NCALD: variants seen among roughly 807,000 people sequenced by gnomAD.
NCALD encodes neurocalcin delta, also known as neurocalcin-delta.
A neutral mutation model predicts 18.6 loss-of-function variants in NCALD; 10 were observed. The observed-to-expected ratio is 0.54, with a 90% CI of 0.33 to 0.91. The LOEUF is 0.91. Ranked by LOEUF, NCALD falls within the 40% of genes least tolerant of loss-of-function variation. NCALD has a pLI of 0.03. For missense variants in NCALD, 184 were observed against 247.6 expected (o/e 0.74, Z 1.72); for synonymous variants, 88 against 87.4 (o/e 1.01, Z -0.04).
chr8:102,084,559 G>A (rs1219723528), intron 1 of NCALD, among the ~76,000 whole-genome samples: 1 of 152,196 alleles, frequency 6.6e-6, no homozygotes, highest in Non-Finnish European at 1.5e-5. Flanking sequence ...TTCTTCCCTT[G>A]ATGGGGTGTT....
intron 2 of NCALD, among the ~76,000 whole-genome samples, chr8:101,951,260 C>T (rs1327080113): frequency 1.3e-5 from 2 of 152,022 alleles, no homozygotes; most frequent in South Asian, 2.1e-4. Context: ...AATGGCAAAA[C>T]GTTTGGTATA....
At chr8:101,733,626 G>A (rs561005875) in intron 1 of NCALD, among the ~76,000 whole-genome samples, 1 of 152,290 alleles carries the variant, frequency 6.6e-6, no homozygotes, top group Admixed American at 6.5e-5. Flanking sequence ...TGTTTACAAC[G>A]ATGAGCCCTC....
At chr8:101,958,418 T>C (rs966978151) in intron 2 of NCALD, among the ~76,000 whole-genome samples, 1 of 152,040 alleles carries the variant, frequency 6.6e-6, no homozygotes, top group Non-Finnish European at 1.5e-5. Context: ...ATTACATCAC[T>C]GATGTAGGGA....
rs557998467 is a variant in NCALD at position 102,014,869 on chromosome 8, C to T, written c.-157+5368G>A. Among the ~76,000 whole-genome samples, 10 of 152,200 alleles carry T rather than the reference C, an allele frequency of 6.6e-5. 1 individual carries two copies. In the South Asian group the frequency reaches 1.5e-3, roughly 22 times the overall value. On this transcript the variant is annotated intron_variant, in intron 2 of 6. Transcript: ENST00000311028. ...GACATTCTAGTACACAAGAATTACTCGGGGATCTTGTTCAAATGCAGATTC... is the reference window on the plus strand; with the variant it reads ...GACATTCTAGTACACAAGAATTACTTGGGGATCTTGTTCAAATGCAGATTC...
At chr8:102,000,025 C>T (rs948470461) in intron 2 of NCALD, among the ~76,000 whole-genome samples, 33 of 152,264 alleles carry the variant, frequency 2.2e-4, no homozygotes, top group African/African-American at 7.5e-4. Flanking sequence ...TGGGGATTGT[C>T]GGACAGTGGG....
chr8:101,960,105 C>T (rs1033260291), intron 2 of NCALD, among the ~76,000 whole-genome samples: 1 of 152,168 alleles, frequency 6.6e-6, no homozygotes, highest in African/African-American at 2.4e-5. Context: ...ATGCCATTTG[C>T]TAATTCTTTC....
At chr8:102,023,971 G>A (rs752504929) in intron 1 of NCALD, among the ~76,000 whole-genome samples, 9 of 152,132 alleles carry the variant, frequency 5.9e-5, no homozygotes, top group Non-Finnish European at 1.3e-4. Flanking sequence ...TCTTTACATG[G>A]CAGTTTCACC....
In NCALD at chr8:101,719,312, G is replaced by A. The variant is rs1433749391; in HGVS notation, c.318C>T (p.Ser106=). The A allele has an allele frequency of 6.2e-7, 1 of 1,614,146 alleles. No individual in the cohort carries two copies. Among genetic ancestry groups the A allele is most frequent in the South Asian group, 1.1e-5 (1 of 91,074 alleles). The part of the protein sequence containing the change: ...KLEQKLKWAF[S]MYDLDGNGYI... ...AGCCATTTCCGTCCAGGTCGTACAT[G>A]CTGAAGGCCCATTTCAGCTTCTGCT... The change falls in exon 2 of 4, where the codon AGC becomes AGT. Residue 106 remains serine (S), a synonymous_variant. Transcript: ENST00000220931.
chr8:101,761,682 T>G (rs1364131497), intron 1 of NCALD, among the ~76,000 whole-genome samples: 3 of 152,200 alleles, frequency 2.0e-5, no homozygotes. Flanking sequence ...AGGGACTTAT[T>G]TGTTTCCCAG....
chr8:101,923,159 T>C (rs182200600), intron 2 of NCALD, among the ~76,000 whole-genome samples: 1 of 152,344 alleles, frequency 6.6e-6, no homozygotes, highest in East Asian at 1.9e-4. Context: ...AAGCACCATG[T>C]TGGAGGCAGA....
At chr8:101,835,034 G>T (rs2155938) in intron 4 of NCALD, among the ~76,000 whole-genome samples, 4 of 152,060 alleles carry the variant, frequency 2.6e-5, no homozygotes, top group African/African-American at 4.8e-5. Context: ...AGATTAACTG[G>T]GTCAAAAGTT....
chr8:101,837,375 A>T (rs1459803269), intron 4 of NCALD, among the ~76,000 whole-genome samples: 1 of 152,250 alleles, frequency 6.6e-6, no homozygotes, highest in African/African-American at 2.4e-5. Flanking sequence ...CATGTGACAA[A>T]GACCACATAG....
At chr8:101,739,205 T>C (rs1404339094) in intron 1 of NCALD, among the ~76,000 whole-genome samples, 18 of 152,096 alleles carry the variant, frequency 1.2e-4, no homozygotes, top group Admixed American at 1.2e-3. Context: ...CATGTCCTCA[T>C]GGCTCCTTAC....
At chr8:102,012,532 T>C (rs1821941408) in intron 2 of NCALD, among the ~76,000 whole-genome samples, 1 of 152,236 alleles carries the variant, frequency 6.6e-6, no homozygotes, top group African/African-American at 2.4e-5. Flanking sequence ...CAACAGCGCC[T>C]GCCTCAAACA....
chr8:101,940,001 T>A (rs957569440), intron 2 of NCALD, among the ~76,000 whole-genome samples: 2 of 152,234 alleles, frequency 1.3e-5, no homozygotes, highest in African/African-American at 4.8e-5. Context: ...ACTCAGCATA[T>A]AAGAGCGGCT....
chr8:101,721,031 C>T (rs970434152), intron 1 of NCALD, among the ~76,000 whole-genome samples: 1 of 152,098 alleles, frequency 6.6e-6, no homozygotes, highest in East Asian at 1.9e-4. Context: ...CATGGGTGCT[C>T]TCAGGGAAGC....
chr8:101,969,631 C>CA (rs11454016), intron 2 of NCALD, among the ~76,000 whole-genome samples: 19,119 of 151,900 alleles, frequency 0.13, 1,500 homozygotes, highest in African/African-American at 0.21. Context: ...TTCTGCCTGG[C>CA]AAAAAAAGAC....
chr8:102,010,367 C>A (rs1252561234), intron 2 of NCALD, among the ~76,000 whole-genome samples: 1 of 152,156 alleles, frequency 6.6e-6, no homozygotes, highest in African/African-American at 2.4e-5. Context: ...AGGTGTGGTG[C>A]CCAGGGATCA....
upstream of NCALD, among the ~76,000 whole-genome samples, chr8:101,791,645 G>A (rs987187837): frequency 6.6e-6 from 1 of 152,098 alleles, no homozygotes; most frequent in Non-Finnish European, 1.5e-5. Flanking sequence ...ATAAATTCAG[G>A]ATTCCTGTAC....
Sources: gnomAD v4.1 joint callset for allele counts (sites outside exome capture counted in the v4.1 genomes callset) on GRCh38, gnomAD v4.1.1 for gene constraint, MANE v1.5 for transcripts, NCBI Gene and HGNC (gene_info 2026-07-23, HGNC 2026-07-21) for gene names.